Variants in ZNF385C observed in about 807,000 individuals in gnomAD.
ZNF385C encodes the protein zinc finger protein 385C.
Under a neutral mutation model 35.4 loss-of-function variants are expected in ZNF385C, and 28 were observed. That is an observed-to-expected ratio of 0.79 (90% CI 0.59 to 1.08). The LOEUF (loss-of-function observed/expected upper bound fraction) is 1.08. ZNF385C is among the 50% of genes least tolerant of loss of function. ZNF385C has a pLI of 0.00. For missense variants in ZNF385C, 605 were observed against 595.6 expected, an observed-to-expected ratio of 1.02 and a Z score of -0.16; for synonymous variants, 248 against 248.2, an observed-to-expected ratio of 1.00 and a Z score of 0.01.
Position 42,026,763 on chromosome 17 carries a change from C to T in ZNF385C, c.*134G>A. The T allele has an allele frequency of 1.1e-6, 1 of 898,590 alleles. No individual in the cohort carries two copies. The allele number at this position is 898,590 out of a possible 1,614,324, so 55.7% of individuals were successfully genotyped here. Reference sequence around the variant, plus strand: ...AAGGCAGCTGCCCTTAAAACTAGCCCAGCTCTTTCTGGATCGGGCAGGACC... The same window carrying T: ...AAGGCAGCTGCCCTTAAAACTAGCCTAGCTCTTTCTGGATCGGGCAGGACC... On this transcript the variant is annotated 3_prime_UTR_variant, in exon 9 of 9. Coordinates refer to ENST00000692273, the MANE Select transcript of ZNF385C (RefSeq NM_001392013.1).
rs539759742 is a variant in ZNF385C at position 42,089,783 on chromosome 17, A to C, written c.-3+8627T>G. Among the ~76,000 whole-genome samples the C allele has an allele frequency of 9.0e-4, 137 of 152,320 alleles. 1 individual carries two copies. Among genetic ancestry groups the C allele is most frequent in the African/African-American group, 3.2e-3 (134 of 41,564 alleles). ...AATCTCAGCAGCAGAATGTGTACGG[A>C]ATCGATGCCGATGAAAACAGTTTCA... On this transcript the variant is annotated intron_variant, in intron 1 of 8. Coordinates refer to ENST00000692273, the MANE Select transcript of ZNF385C (RefSeq NM_001392013.1).
In ZNF385C at chr17:42,028,926, C is replaced by T; in HGVS notation, c.824G>A (p.Arg275Lys). 1 of 1,550,606 alleles carries T rather than the reference C, an allele frequency of 6.4e-7. No homozygotes were observed. Among genetic ancestry groups the T allele is most frequent in the East Asian group, 2.4e-5 (1 of 40,928 alleles). The part of the protein sequence containing the change: ...SCPPCSPEPG[R>K]EAPGPEPAAA... ...CGCTGGCTCAGGCCCCGGTGCCTCT[C>T]TCCCAGGCTCTGGGGAGCAAGGTGG... The change falls in exon 6 of 9, where the codon AGA (arginine) becomes AAA (lysine). Residue 275 changes from arginine (R) to lysine (K), a missense_variant. Physicochemically the swap from Arg to Lys is conservative, Grantham distance 26. Coordinates refer to ENST00000692273, the MANE Select transcript of ZNF385C (RefSeq NM_001392013.1).
chr17:42,037,660 C>G, intron 3 of ZNF385C, 77 bp downstream of exon 3: 2 of 1,438,478 alleles, frequency 1.4e-6, no homozygotes, highest in Admixed American at 2.9e-5. Flanking sequence ...CTGCTGAGAG[C>G]TGGACCCTCT....
intron 2 of ZNF385C, among the ~76,000 whole-genome samples, chr17:42,041,689 C>A (rs1272295292): frequency 1.3e-5 from 2 of 152,174 alleles, no homozygotes; most frequent in African/African-American, 4.8e-5. Context: ...CACACTCACT[C>A]CCAACTCCCA....
chr17:42,031,281 C>T (rs941778542), intron 5 of ZNF385C, among the ~76,000 whole-genome samples: 2 of 152,110 alleles, frequency 1.3e-5, no homozygotes, highest in African/African-American at 4.8e-5. Flanking sequence ...GCAATCCTCC[C>T]GCCTCAGCCT....
At chr17:42,042,478 C>T (rs781514590) in intron 2 of ZNF385C, among the ~76,000 whole-genome samples, 6 of 151,540 alleles carry the variant, frequency 4.0e-5, no homozygotes, top group Non-Finnish European at 5.9e-5. Flanking sequence ...GCTGAGATCA[C>T]GCCACTGCTC....
At chr17:42,054,999 C>T (rs1273021329) in intron 2 of ZNF385C, among the ~76,000 whole-genome samples, 1 of 152,122 alleles carries the variant, frequency 6.6e-6, no homozygotes, top group Non-Finnish European at 1.5e-5. Flanking sequence ...GGCTCTTTAC[C>T]GACCTGAGCA....
chr17:42,054,205 C>A (rs555083157), intron 2 of ZNF385C, among the ~76,000 whole-genome samples: 8 of 152,334 alleles, frequency 5.3e-5, no homozygotes, highest in African/African-American at 1.9e-4. Flanking sequence ...GCCTCTTACA[C>A]TGAAGTGAAG....
chr17:42,039,825 C>A, intron 2 of ZNF385C: 3 of 1,232,222 alleles, frequency 2.4e-6, no homozygotes, highest in Non-Finnish European at 3.0e-6. Context: ...CCATGTGGCC[C>A]CCCCGGCCTT....
chr17:42,032,963 A>T (rs1373549850), intron 4 of ZNF385C, among the ~76,000 whole-genome samples: 1 of 151,526 alleles, frequency 6.6e-6, no homozygotes, highest in African/African-American at 2.4e-5. Flanking sequence ...ACCTCAAGTG[A>T]TCCACCCACC....
chr17:42,070,745 C>G (rs1351725392), intron 1 of ZNF385C, among the ~76,000 whole-genome samples: 2 of 152,168 alleles, frequency 1.3e-5, no homozygotes, highest in Non-Finnish European at 2.9e-5. Context: ...GTGTGGGATC[C>G]TGGCCCTCCC....
intron 5 of ZNF385C, among the ~76,000 whole-genome samples, chr17:42,029,909 C>T (rs2143525986): frequency 6.6e-6 from 1 of 151,664 alleles, no homozygotes; most frequent in South Asian, 2.1e-4. Context: ...TGGCACATGC[C>T]TATAGTTCCA....
At chr17:42,096,138 TC>T (rs2143966263) in intron 1 of ZNF385C, among the ~76,000 whole-genome samples, 1 of 152,256 alleles carries the variant, frequency 6.6e-6, no homozygotes, top group African/African-American at 2.4e-5. Context: ...CACAAGGGAC[TC>T]TTGTGCATGT....
At chr17:42,072,293 C>T (rs960711310) in intron 1 of ZNF385C, among the ~76,000 whole-genome samples, 2 of 152,100 alleles carry the variant, frequency 1.3e-5, no homozygotes, top group African/African-American at 4.8e-5. Context: ...GGGAGTCTCA[C>T]CCTGTACTCC....
At chr17:42,064,077 C>T (rs1193210314) in intron 1 of ZNF385C, among the ~76,000 whole-genome samples, 1 of 50,070 alleles carries the variant, frequency 2.0e-5, no homozygotes, top group Non-Finnish European at 4.2e-5. Flanking sequence ...CGCACATACA[C>T]ACACACACAC....
intron 2 of ZNF385C, among the ~76,000 whole-genome samples, chr17:42,047,330 C>A (rs1214429772): frequency 1.3e-5 from 2 of 151,994 alleles, no homozygotes; most frequent in Non-Finnish European, 2.9e-5. Context: ...CTGCGCCTGG[C>A]CCCGGCTAAT....
intron 2 of ZNF385C, chr17:42,043,060 C>A: frequency 2.4e-6 from 3 of 1,232,308 alleles, no homozygotes; most frequent in Non-Finnish European, 3.0e-6. Flanking sequence ...TGGGCAGGCC[C>A]CTCCACCTTC....
chr17:42,049,760 C>T (rs1555656947), intron 2 of ZNF385C, among the ~76,000 whole-genome samples: 1 of 152,198 alleles, frequency 6.6e-6, no homozygotes, highest in African/African-American at 2.4e-5. Flanking sequence ...TAGGTAGAGC[C>T]CAGGAAGGTG....
intron 2 of ZNF385C, among the ~76,000 whole-genome samples, chr17:42,043,869 T>C (rs1462771529): frequency 1.3e-5 from 2 of 152,062 alleles, no homozygotes; most frequent in African/African-American, 4.8e-5. Context: ...CCTAGGCAAC[T>C]GTATTTTATA....
Sources: allele counts gnomAD v4.1 joint callset (sites outside exome capture counted in the v4.1 genomes callset), GRCh38; gene constraint gnomAD v4.1.1; transcripts MANE v1.5; gene names NCBI Gene and HGNC (gene_info 2026-07-23, HGNC 2026-07-21).